Variants in ADAM19 observed in about 807,000 individuals in gnomAD.
ADAM19 encodes the protein ADAM metallopeptidase domain 19.
A neutral mutation model predicts 114.7 loss-of-function variants in ADAM19; 65 were observed. The observed-to-expected ratio is 0.57, with a 90% confidence interval of 0.46 to 0.70. The LOEUF is 0.70. Ranked by LOEUF, ADAM19 falls within the 30% of genes least tolerant of loss-of-function variation. The pLI, the probability that ADAM19 is intolerant of heterozygous loss-of-function variation, is 0.00. For synonymous variants in ADAM19, 466 were observed against 460.5 expected (o/e 1.01, Z -0.15); for missense variants, 1,063 against 1,204.7 (o/e 0.88, Z 1.74).
At chr5:157,564,821 C>T (rs1041732022) in intron 2 of ADAM19, among the ~76,000 whole-genome samples, 1 of 152,172 alleles carries the variant, frequency 6.6e-6, no homozygotes, top group Non-Finnish European at 1.5e-5. Context: ...TGCTGAGCCT[C>T]CCCACATCTC....
intron 4 of ADAM19, among the ~76,000 whole-genome samples, chr5:157,536,078 G>A (rs1265080976): frequency 6.6e-6 from 1 of 152,180 alleles, no homozygotes; most frequent in African/African-American, 2.4e-5. Context: ...TGCAGGCACC[G>A]GCCACACTAC....
intron 12 of ADAM19, among the ~76,000 whole-genome samples, chr5:157,501,680 GGGGT>G: frequency 6.6e-6 from 1 of 151,316 alleles, no homozygotes; most frequent in East Asian, 2.0e-4. Flanking sequence ...CATGGTGGTG[GGGGT>G]GGCATCCTTG....
chr5:157,569,750 C>G (rs7707786), intron 2 of ADAM19, among the ~76,000 whole-genome samples: 30,398 of 152,084 alleles, frequency 0.2, 4,265 homozygotes, highest in African/African-American at 0.39. Context: ...AATCTTGCTC[C>G]TATATGTTGC....
rs559827847 is a variant in ADAM19 at position 157,519,272 on chromosome 5, T to C, written c.601-384A>G. Among the ~76,000 whole-genome samples the C allele has an allele frequency of 1.3e-3, 199 of 152,352 alleles. 1 individual carries two copies. Among genetic ancestry groups the C allele is most frequent in the African/African-American group, 4.3e-3 (177 of 41,576 alleles). On this transcript the variant is annotated intron_variant, in intron 6 of 22. Transcript: ENST00000257527. ...AATCAATATGAGGACTGTGTGCATA[T>C]GGTGTAGTGTCTACTCCAATAGGGA... is the stretch of plus-strand genomic sequence containing the variant.
chr5:157,477,922 G>C lies in ADAM19; in HGVS notation c.*3027C>G. 4 of 326,852 alleles carry C rather than the reference G, an allele frequency of 1.2e-5. No individual in the cohort carries two copies. The highest frequency in any genetic ancestry group is 1.8e-5 in the Non-Finnish European group (3 of 165,716). The allele number at this position is 326,852 out of a possible 1,614,324, so 20.2% of individuals were successfully genotyped here. A position where few individuals can be genotyped will look rare whatever the true frequency, so the allele number is the denominator to read the frequency against. ...TAAGATCTGCAAGTGTCTCAGAGCT[G>C]GGGCAGAAAAAGGCTTTACTTTTAT... On this transcript the variant is annotated 3_prime_UTR_variant, in exon 23 of 23. Transcript: ENST00000257527.
At chr5:157,499,470 G>T in intron 13 of ADAM19, 103 bp downstream of exon 13, 1 of 978,398 alleles carries the variant, frequency 1.0e-6, no homozygotes, top group Non-Finnish European at 1.6e-6. Flanking sequence ...TGCCATCACA[G>T]CCCCAGGATG....
intron 3 of ADAM19, among the ~76,000 whole-genome samples, chr5:157,552,836 T>C (rs778413989): frequency 1.6e-4 from 24 of 152,128 alleles, no homozygotes; most frequent in Non-Finnish European, 3.4e-4. Context: ...ATATACACAA[T>C]GGAGTACTAT....
intron 4 of ADAM19, among the ~76,000 whole-genome samples, chr5:157,535,913 T>C (rs1756749324): frequency 6.6e-6 from 1 of 152,226 alleles, no homozygotes; most frequent in Admixed American, 6.5e-5. Context: ...AACAGCTTTC[T>C]AGGCATGCCT....
intron 12 of ADAM19, among the ~76,000 whole-genome samples, chr5:157,501,626 C>A (rs565557182): frequency 2.0e-5 from 3 of 152,194 alleles, no homozygotes; most frequent in African/African-American, 4.8e-5. Context: ...CATGTTCATA[C>A]CACTCCCTCC....
intron 3 of ADAM19, among the ~76,000 whole-genome samples, chr5:157,542,258 AG>A (rs1223861131): frequency 0.01 from 1,401 of 138,420 alleles, 25 homozygotes; most frequent in African/African-American, 0.04. Flanking sequence ...TATTTTTAAT[AG>A]TTTTTTTTTT....
At position 157,507,060 on chromosome 5, in the gene ADAM19, T is replaced by C. The variant is rs141591910; in HGVS notation, c.986A>G (p.Asn329Ser). 13 of 1,613,964 alleles carry C rather than the reference T, an allele frequency of 8.1e-6. No homozygotes were observed. The African/African-American group carries it at 1.2e-4, about 15-fold the overall frequency. ...MCSVYQSGGV[N>S]MDHSENAIGV... ...CACACACGGGCTGAGACTCACCATG[T>C]TGACTCCTCCAGACTGGTACACAGA... is the stretch of plus-strand genomic sequence containing the variant. The change falls in exon 10 of 23, where the codon AAC becomes AGC. Residue 329 changes from asparagine (N) to serine (S), a missense_variant. Around this residue, in one of 3 missense-constraint regions of ADAM19, gnomAD observed 615 missense variants for 706.3 expected, o/e 0.87. Coordinates refer to ENST00000257527, the MANE Select transcript of ADAM19 (RefSeq NM_033274.5).
At chr5:157,570,655 T>C (rs1478812700) in intron 2 of ADAM19, 1 of 437,908 alleles carries the variant, frequency 2.3e-6, no homozygotes, top group Non-Finnish European at 4.1e-6. Flanking sequence ...TGCACTTAGC[T>C]TGTGTCAGCA....
intron 15 of ADAM19, among the ~76,000 whole-genome samples, chr5:157,494,086 T>C (rs926555992): frequency 4.6e-5 from 7 of 152,246 alleles, no homozygotes. Flanking sequence ...CAGCACAATA[T>C]CTTGCACATG....
chr5:157,568,012 G>C (rs1460838623), intron 2 of ADAM19: 1 of 150,602 alleles, frequency 6.6e-6, no homozygotes, highest in African/African-American at 2.4e-5. Flanking sequence ...GTCTCGCTCT[G>C]TCACCCAGGC....
intron 15 of ADAM19, 149 bp downstream of exon 15, chr5:157,494,536 CAG>C (rs1012419702): frequency 3.4e-6 from 2 of 588,286 alleles, no homozygotes; most frequent in Admixed American, 6.2e-5. Context: ...CATTGTCAAA[CAG>C]GGGGCCGAGA....
rs1754721005 is a variant in ADAM19, at chr5:157,480,758, G to A, written c.*191C>T. On this transcript the variant is annotated 3_prime_UTR_variant, in exon 23 of 23. Transcript: ENST00000257527. The stretch of plus-strand genomic sequence containing the variant: ...AACACCTAGAGGCCATCAGATCATA[G>A]TCCCTCTGGGCTTCCAAGGAAGCCG... 1 of 1,435,372 alleles carries A rather than the reference G, an allele frequency of 7.0e-7. No individual in the cohort carries two copies. Among genetic ancestry groups the A allele is most frequent in the Middle Eastern group, 2.6e-4 (1 of 3,866 alleles). The allele number at this position is 1,435,372 out of a possible 1,614,324, so 88.9% of individuals were successfully genotyped here.
At chr5:157,553,305 CACTT>C (rs1349430631) in intron 3 of ADAM19, among the ~76,000 whole-genome samples, 3 of 152,142 alleles carry the variant, frequency 2.0e-5, no homozygotes, top group Admixed American at 6.5e-5. Flanking sequence ...TAAATATATA[CACTT>C]ACTATGTATG....
chr5:157,482,522 T>C (rs1017433124), intron 21 of ADAM19, among the ~76,000 whole-genome samples: 5 of 152,210 alleles, frequency 3.3e-5, no homozygotes, highest in African/African-American at 1.2e-4. Flanking sequence ...TCTTCTAGGG[T>C]TTTTATGGTT....
At chr5:157,507,186 G>A in intron 9 of ADAM19, 46 bp from the exon 10 acceptor site, 1 of 1,584,518 alleles carries the variant, frequency 6.3e-7, no homozygotes, top group Non-Finnish European at 8.7e-7. Flanking sequence ...AGACTAAGAG[G>A]GCTGTTCCAA....
Sources: allele counts gnomAD v4.1 joint callset (sites outside exome capture counted in the v4.1 genomes callset), GRCh38; gene constraint gnomAD v4.1.1; regional missense constraint gnomAD v4.1.1; transcripts MANE v1.5; gene names NCBI Gene and HGNC (gene_info 2026-07-23, HGNC 2026-07-21).